IL1RAPL1: variants seen among roughly 807,000 people sequenced by gnomAD.
IL1RAPL1 encodes the protein interleukin-1 receptor accessory protein-like 1.
In IL1RAPL1, 3 loss-of-function variants were observed where a neutral mutation model predicts 48.4. The ratio of observed to expected loss-of-function variants is 0.06; its 90% CI spans 0.03 to 0.16. IL1RAPL1 has a LOEUF of 0.16. IL1RAPL1 is among the 10% of genes least tolerant of loss of function. The probability of loss-of-function intolerance (pLI) is 1.00; values close to 1 mark genes in which losing one functional copy is unlikely to be tolerated. For missense variants in IL1RAPL1, 349 were observed against 530.6 expected, an observed-to-expected ratio of 0.66 and a Z score of 3.36; for synonymous variants, 185 against 187.7, an observed-to-expected ratio of 0.99 and a Z score of 0.12.
At chrX:29,924,124 G>A (rs1489824039) in intron 8 of IL1RAPL1, among the ~76,000 whole-genome samples, 1 of 111,839 alleles carries the variant, frequency 8.9e-6, no homozygotes, top group African/African-American at 3.2e-5. Context: ...CAGCTGTGAG[G>A]ATTCAATGAA....
At chrX:29,837,278 T>A (rs866550523) in intron 6 of IL1RAPL1, among the ~76,000 whole-genome samples, 2,137 of 58,127 alleles carry the variant, frequency 0.037, 141 homozygotes, top group African/African-American at 0.14. Context: ...AAAAAATATA[T>A]ATATATATAT....
intron 1 of IL1RAPL1, among the ~76,000 whole-genome samples, chrX:28,633,502 A>G (rs1934423874): frequency 8.9e-6 from 1 of 112,197 alleles, no homozygotes; most frequent in Non-Finnish European, 1.9e-5. Flanking sequence ...ACCATGGCAT[A>G]CAGATGGATT....
intron 2 of IL1RAPL1, among the ~76,000 whole-genome samples, chrX:29,259,836 G>A (rs1214033294): frequency 2.7e-5 from 3 of 110,856 alleles, no homozygotes; most frequent in East Asian, 5.7e-4. Flanking sequence ...AATGAAGGAG[G>A]CCAGTAAAAT....
At chrX:29,553,189 T>G (rs1921876207) in intron 5 of IL1RAPL1, among the ~76,000 whole-genome samples, 3 of 111,861 alleles carry the variant, frequency 2.7e-5, no homozygotes, top group African/African-American at 9.7e-5. Flanking sequence ...AAGCCAGACA[T>G]TTTGTCTTGG....
chrX:28,977,203 A>G (rs1005862375), intron 2 of IL1RAPL1, among the ~76,000 whole-genome samples: 1 of 112,359 alleles, frequency 8.9e-6, no homozygotes, highest in African/African-American at 3.2e-5. Context: ...TCACACTGTT[A>G]TAAAGAAATA....
At chrX:29,364,697 T>C (rs189761089) in intron 3 of IL1RAPL1, among the ~76,000 whole-genome samples, 184 of 111,572 alleles carry the variant, frequency 1.6e-3, no homozygotes, top group African/African-American at 5.8e-3. Flanking sequence ...GGATTAGGTA[T>C]TGTAAGTACA....
At chrX:29,318,784 C>T (rs1017788277) in intron 3 of IL1RAPL1, among the ~76,000 whole-genome samples, 1 of 112,076 alleles carries the variant, frequency 8.9e-6, no homozygotes, top group African/African-American at 3.2e-5. Flanking sequence ...ATGCTGCTCA[C>T]TTTTTCTAAA....
chrX:29,533,291 C>A (rs1411779494), intron 5 of IL1RAPL1, among the ~76,000 whole-genome samples: 3 of 111,784 alleles, frequency 2.7e-5, no homozygotes, highest in African/African-American at 9.8e-5. Context: ...TAGCCGTGGG[C>A]AAACATTACT....
chrX:29,897,304 C>CTATT (rs201811637), intron 6 of IL1RAPL1, among the ~76,000 whole-genome samples: 2 of 111,608 alleles, frequency 1.8e-5, no homozygotes, highest in Non-Finnish European at 3.8e-5. Flanking sequence ...TGACCAGTTT[C>CTATT]TATTTATTTT....
intron 5 of IL1RAPL1, among the ~76,000 whole-genome samples, chrX:29,451,733 T>A (rs997400112): frequency 1.8e-5 from 2 of 111,903 alleles, no homozygotes; most frequent in African/African-American, 3.2e-5. Flanking sequence ...TGTTAAAAAA[T>A]TTTTTGTGAA....
At chrX:28,971,963 A>G (rs1047158558) in intron 2 of IL1RAPL1, among the ~76,000 whole-genome samples, 6 of 108,100 alleles carry the variant, frequency 5.6e-5, no homozygotes, top group Non-Finnish European at 5.7e-5. Context: ...AGAAACCCTA[A>G]TCAACATAAT....
chrX:28,602,516 G>A (rs1337491092), intron 1 of IL1RAPL1, among the ~76,000 whole-genome samples: 2 of 111,988 alleles, frequency 1.8e-5, no homozygotes, highest in East Asian at 2.8e-4. Flanking sequence ...GATGAGTGGC[G>A]GCTATTGGAA....
At chrX:29,766,342 A>AAAAATATATATATAT (rs1200679211) in intron 6 of IL1RAPL1, among the ~76,000 whole-genome samples, 2 of 47,507 alleles carry the variant, frequency 4.2e-5, no homozygotes, top group African/African-American at 1.8e-4. Flanking sequence ...AAAAAAAAAA[A>AAAAATATATATATAT]ATATATATAT....
intron 1 of IL1RAPL1, among the ~76,000 whole-genome samples, chrX:28,591,021 C>T (rs1933902867): frequency 2.7e-5 from 3 of 112,023 alleles, no homozygotes; most frequent in Admixed American, 9.5e-5. Context: ...AAGTATCCTA[C>T]ACATTAGTAA....
At chrX:29,231,929 G>T (rs866523125) in intron 2 of IL1RAPL1, among the ~76,000 whole-genome samples, 5 of 111,873 alleles carry the variant, frequency 4.5e-5, no homozygotes, top group African/African-American at 1.6e-4. Flanking sequence ...CATAGCAAAT[G>T]ATAAGATTGG....
At chrX:29,122,115 CTTTAAA>C (rs1372960657) in intron 2 of IL1RAPL1, among the ~76,000 whole-genome samples, 1 of 110,542 alleles carries the variant, frequency 9.0e-6, no homozygotes, top group Non-Finnish European at 1.9e-5. Flanking sequence ...AATATTTTAT[CTTTAAA>C]TTTAACTAGA....
At chrX:29,406,078 G>A (rs947394587) in intron 5 of IL1RAPL1, among the ~76,000 whole-genome samples, 8 of 111,514 alleles carry the variant, frequency 7.2e-5, no homozygotes, top group Non-Finnish European at 1.5e-4. Flanking sequence ...CTGTTACAAT[G>A]TTTGTTTTTT....
chrX:29,870,448 T>C (rs1472287676), intron 6 of IL1RAPL1, among the ~76,000 whole-genome samples: 1 of 111,578 alleles, frequency 9.0e-6, no homozygotes, highest in African/African-American at 3.3e-5. Context: ...AAATCTATTC[T>C]CTCTCCCAAG....
At chrX:29,946,266 G>T (rs1933211168) in intron 9 of IL1RAPL1, among the ~76,000 whole-genome samples, 1 of 111,891 alleles carries the variant, frequency 8.9e-6, no homozygotes, top group Non-Finnish European at 1.9e-5. Flanking sequence ...TTGCCTGCTA[G>T]AACAGTCTAG....
Sources: gnomAD v4.1 joint callset for allele counts (sites outside exome capture counted in the v4.1 genomes callset) on GRCh38, gnomAD v4.1.1 for gene constraint, MANE v1.5 for transcripts, NCBI Gene and HGNC (gene_info 2026-07-23, HGNC 2026-07-21) for gene names.